Variants in MIPOL1 observed in about 807,000 individuals in gnomAD.
The protein encoded by MIPOL1 is mirror-image polydactyly 1, also known as mirror-image polydactyly gene 1 protein.
Under a neutral mutation model 60.9 loss-of-function variants are expected in MIPOL1, and 57 were observed. The ratio of observed to expected loss-of-function variants is 0.94; its 90% CI spans 0.76 to 1.17. The LOEUF (loss-of-function observed/expected upper bound fraction) is 1.17. Among genes scored for constraint, MIPOL1 ranks in the 50% most tolerant of loss-of-function variants. The pLI, the probability that MIPOL1 is intolerant of heterozygous loss-of-function variation, is 0.00. For missense variants in MIPOL1, 551 were observed against 511.6 expected (o/e 1.08, Z -0.74); for synonymous variants, 179 against 168.8 (o/e 1.06, Z -0.47).
chr14:37,251,479 C>T (rs1306142371), intron 3 of MIPOL1, among the ~76,000 whole-genome samples: 13 of 151,340 alleles, frequency 8.6e-5, no homozygotes, highest in African/African-American at 2.4e-4. Context: ...AAATGTGTTA[C>T]CATCTTCAGG....
chr14:37,354,870 G>A (rs896599983), intron 9 of MIPOL1, among the ~76,000 whole-genome samples: 10 of 95,124 alleles, frequency 1.1e-4, no homozygotes, highest in African/African-American at 4.0e-4. Flanking sequence ...CAATTTGCCA[G>A]TCTGTGTCTT....
At chr14:37,291,510 G>A (rs1028441538) in intron 7 of MIPOL1, among the ~76,000 whole-genome samples, 1 of 151,734 alleles carries the variant, frequency 6.6e-6, no homozygotes, top group Non-Finnish European at 1.5e-5. Flanking sequence ...TCACTTTATT[G>A]TGTTAGCCCC....
chr14:37,538,856 A>G (rs956590292), intron 12 of MIPOL1, among the ~76,000 whole-genome samples: 23 of 152,204 alleles, frequency 1.5e-4, no homozygotes, highest in African/African-American at 5.3e-4. Flanking sequence ...CTGTTAGCAC[A>G]TGCCACCCAG....
intron 1 of MIPOL1, among the ~76,000 whole-genome samples, chr14:37,234,648 T>G (rs2093404418): frequency 6.6e-6 from 1 of 152,084 alleles, no homozygotes; most frequent in East Asian, 1.9e-4. Context: ...AACCTTTAAT[T>G]TAATTCCTGA....
chr14:37,470,703 G>T (rs909315214), intron 11 of MIPOL1, among the ~76,000 whole-genome samples: 3 of 152,046 alleles, frequency 2.0e-5, no homozygotes, highest in African/African-American at 7.2e-5. Flanking sequence ...GTCAGCGTGG[G>T]TTGCAATCAG....
At chr14:37,296,039 A>T (rs1461779247) in intron 7 of MIPOL1, among the ~76,000 whole-genome samples, 1 of 152,208 alleles carries the variant, frequency 6.6e-6, no homozygotes, top group Non-Finnish European at 1.5e-5. Flanking sequence ...TCCAAAATAG[A>T]CCACATAGTT....
At position 37,324,885 on chromosome 14, in the gene MIPOL1, A is replaced by G. The variant is rs569270087; in HGVS notation, c.828+16366A>G. On this transcript the variant is annotated intron_variant, in intron 9 of 12. Coordinates refer to ENST00000684589, the MANE Select transcript of MIPOL1 (RefSeq NM_001388067.1). ...GTGTGTGTCTGTTTATGGATGTGCTATTCTCTTCTAATGATCTATTTATCT... is the reference window on the plus strand; with the variant it reads ...GTGTGTGTCTGTTTATGGATGTGCTGTTCTCTTCTAATGATCTATTTATCT... Among the ~76,000 whole-genome samples the G allele has an allele frequency of 1.1e-3, 163 of 152,202 alleles. 2 individuals are homozygous for G. Among genetic ancestry groups the G allele is most frequent in the African/African-American group, 2.7e-3 (114 of 41,560 alleles).
At chr14:37,296,220 A>T (rs985216830) in intron 7 of MIPOL1, among the ~76,000 whole-genome samples, 2 of 152,232 alleles carry the variant, frequency 1.3e-5, no homozygotes, top group Non-Finnish European at 2.9e-5. Context: ...TACATAACAA[A>T]ATGAAGGCAG....
intron 7 of MIPOL1, among the ~76,000 whole-genome samples, chr14:37,305,062 CAA>C (rs1490954680): frequency 6.6e-6 from 1 of 151,684 alleles, no homozygotes; most frequent in African/African-American, 2.4e-5. Flanking sequence ...GTACCTTCCC[CAA>C]AGTCATTTTA....
At chr14:37,412,337 T>TG (rs1491367318) in intron 10 of MIPOL1, among the ~76,000 whole-genome samples, 1 of 152,088 alleles carries the variant, frequency 6.6e-6, no homozygotes, top group Admixed American at 6.6e-5. Flanking sequence ...TGTAAATAAC[T>TG]GTGGTGTAAG....
At chr14:37,251,800 T>C (rs1160001869) in intron 3 of MIPOL1, among the ~76,000 whole-genome samples, 4 of 152,126 alleles carry the variant, frequency 2.6e-5, no homozygotes, top group African/African-American at 7.2e-5. Flanking sequence ...AGTAGTTTTA[T>C]AGCATACAAC....
At chr14:37,332,685 T>C (rs1036407439) in intron 9 of MIPOL1, among the ~76,000 whole-genome samples, 2 of 67,418 alleles carry the variant, frequency 3.0e-5, no homozygotes, top group South Asian at 8.2e-4. Context: ...GGATGAATTA[T>C]CCGAAATGGC....
At chr14:37,494,307 T>C (rs1427213450) in intron 11 of MIPOL1, among the ~76,000 whole-genome samples, 1 of 152,110 alleles carries the variant, frequency 6.6e-6, no homozygotes, top group Admixed American at 6.6e-5. Context: ...AAATTACAAG[T>C]TCTGAGAAGG....
intron 9 of MIPOL1, among the ~76,000 whole-genome samples, chr14:37,329,333 G>C (rs982813410): frequency 6.6e-6 from 1 of 152,090 alleles, no homozygotes; most frequent in African/African-American, 2.4e-5. Flanking sequence ...TGCTACAGTA[G>C]TTGGTTAATC....
intron 12 of MIPOL1, among the ~76,000 whole-genome samples, chr14:37,546,546 G>A (rs71405798): frequency 6.6e-6 from 1 of 152,038 alleles, no homozygotes; most frequent in African/African-American, 2.4e-5. Flanking sequence ...GCTTTTCTTA[G>A]GTAAAATCAG....
At chr14:37,236,123 A>G (rs1191112700) in intron 1 of MIPOL1, among the ~76,000 whole-genome samples, 4 of 151,680 alleles carry the variant, frequency 2.6e-5, no homozygotes, top group African/African-American at 7.3e-5. Context: ...ACAGGGTTTC[A>G]CTGTGTTGCT....
Position 37,549,496 on chromosome 14 carries a change from A to T in MIPOL1, c.*2525A>T, listed in dbSNP as rs1201617951. The T allele has an allele frequency of 1.3e-5, 2 of 151,868 alleles. No homozygotes were observed. Among genetic ancestry groups the T allele is most frequent in the African/African-American group, 4.8e-5 (2 of 41,406 alleles). 9.4% of individuals were successfully genotyped at this position (151,868 alleles called of 1,614,324 possible). A position where few individuals can be genotyped will look rare whatever the true frequency, so the allele number is the denominator to read the frequency against. On this transcript the variant is annotated 3_prime_UTR_variant, in exon 13 of 13. Coordinates refer to ENST00000684589, the MANE Select transcript of MIPOL1 (RefSeq NM_001388067.1). ...ATTCTACAGATGAGGAAACAGACTC[A>T]GTAAGCCTTGGAATTTGCCAAGGAC...
At chr14:37,337,580 G>A (rs1423202044) in intron 9 of MIPOL1, among the ~76,000 whole-genome samples, 2 of 151,110 alleles carry the variant, frequency 1.3e-5, no homozygotes, top group Non-Finnish European at 2.9e-5. Flanking sequence ...ATGTTGACCA[G>A]GCTGGTCTCG....
chr14:37,441,788 C>T (rs1566611042), intron 11 of MIPOL1, among the ~76,000 whole-genome samples: 1 of 151,786 alleles, frequency 6.6e-6, no homozygotes, highest in South Asian at 2.1e-4. Context: ...ATTGTTTTTC[C>T]CAATTCTATG....
Sources: gnomAD v4.1 joint callset for allele counts (sites outside exome capture counted in the v4.1 genomes callset) on GRCh38, gnomAD v4.1.1 for gene constraint, MANE v1.5 for transcripts, NCBI Gene and HGNC (gene_info 2026-07-23, HGNC 2026-07-21) for gene names.